The following S100A8 variants were observed in gnomAD, a reference collection of about 807,000 sequenced individuals.
S100A8 encodes protein S100-A8.
Under a neutral mutation model 4.2 loss-of-function variants are expected in S100A8, and 1 was observed. The ratio of observed to expected loss-of-function variants is 0.24; its 90% CI spans 0.08 to 1.12. S100A8 has a LOEUF of 1.12. Among genes scored for constraint, S100A8 ranks in the 50% most tolerant of loss-of-function variants. The pLI is 0.53. For missense variants in S100A8, 96 were observed against 111.8 expected, an observed-to-expected ratio of 0.86 and a Z score of 0.64; for synonymous variants, 41 against 44.7, an observed-to-expected ratio of 0.92 and a Z score of 0.33.
the S100A8 span, among the ~76,000 whole-genome samples, chr1:153,396,087 C>T: frequency 1.3e-5 from 2 of 152,342 alleles, no homozygotes; most frequent in Admixed American, 6.5e-5. Context: ...CTGAACACTG[C>T]GGGTGGGGAC....
chr1:153,390,959 C>G (rs1205684899), intron 1 of S100A8, 82 bp downstream of exon 1: 1 of 949,090 alleles, frequency 1.1e-6, no homozygotes, highest in Non-Finnish European at 1.3e-6. Flanking sequence ...TCTCTCTCCT[C>G]TCTCAGGAAG....
chr1:153,404,524 ACGCT>A, the S100A8 span, among the ~76,000 whole-genome samples: 1 of 152,164 alleles, frequency 6.6e-6, no homozygotes, highest in East Asian at 1.9e-4. Context: ...AGGATTTCAG[ACGCT>A]CGGTGTCAGG....
chr1:153,404,337 G>A, the S100A8 span, among the ~76,000 whole-genome samples: 1,437 of 152,302 alleles, frequency 9.4e-3, 13 homozygotes, highest in Non-Finnish European at 0.013. Context: ...CCAGTGTGGG[G>A]CTGAAAGCTC....
At chr1:153,394,514 G>A (rs751455002), upstream of S100A8, among the ~76,000 whole-genome samples, 56 of 152,114 alleles carry the variant, frequency 3.7e-4, no homozygotes, top group Non-Finnish European at 1.0e-4. Context: ...CACCTGCTGA[G>A]CGTTTATGGG....
chr1:153,407,900 G>A, the S100A8 span, among the ~76,000 whole-genome samples: 2 of 152,224 alleles, frequency 1.3e-5, no homozygotes, highest in African/African-American at 4.8e-5. Flanking sequence ...ACCTGCAGCT[G>A]AGGGTCCTGA....
chr1:153,390,537 A>T lies in S100A8; in HGVS notation c.-2T>A. 1.9e-6 allele frequency: 3 copies of T among 1,614,142 alleles called. No homozygotes were observed. The highest frequency in any genetic ancestry group is 2.5e-6 in the Non-Finnish European group (3 of 1,180,006). On this transcript the variant is annotated 5_prime_UTR_variant, in exon 2 of 3. Transcript: ENST00000368733. ...GGCTTTCTCCAGCTCGGTCAACATG[A>T]TGCCCACGGACTTGCCCCACCTGAA... is the stretch of plus-strand genomic sequence containing the variant.
chr1:153,400,840 A>G, the S100A8 span, among the ~76,000 whole-genome samples: 3 of 152,362 alleles, frequency 2.0e-5, 1 homozygote, highest in South Asian at 6.2e-4. Flanking sequence ...CCATTGCAAT[A>G]TCCATAACCA....
the S100A8 span, chr1:153,419,319 A>T: frequency 6.1e-5 from 98 of 1,611,746 alleles, no homozygotes; most frequent in Non-Finnish European, 7.7e-5. Context: ...ATCCAGCCCC[A>T]CCAAGGGGCC....
the S100A8 span, chr1:153,421,038 C>T: frequency 1.3e-5 from 2 of 152,278 alleles, no homozygotes; most frequent in Non-Finnish European, 2.9e-5. Context: ...CTGACTTCCT[C>T]TCTGTGCAGC....
chr1:153,399,215 C>T, the S100A8 span, among the ~76,000 whole-genome samples: 1 of 152,206 alleles, frequency 6.6e-6, no homozygotes, highest in East Asian at 1.9e-4. Context: ...CCCACCCATC[C>T]TCAATGCCTC....
chr1:153,399,562 C>T, the S100A8 span, among the ~76,000 whole-genome samples: 7 of 152,276 alleles, frequency 4.6e-5, no homozygotes, highest in South Asian at 6.2e-4. Context: ...ATTCATTCAA[C>T]GAATATTCTT....
chr1:153,397,449 G>A, the S100A8 span, among the ~76,000 whole-genome samples: 2 of 152,330 alleles, frequency 1.3e-5, no homozygotes, highest in African/African-American at 4.8e-5. Context: ...GAGGCAGGCG[G>A]CCCAGATGTG....
chr1:153,416,844 C>A, the S100A8 span, among the ~76,000 whole-genome samples: 4 of 152,370 alleles, frequency 2.6e-5, no homozygotes, highest in African/African-American at 9.6e-5. Flanking sequence ...CCTCCCTTTC[C>A]TTCCTGTCTT....
the S100A8 span, among the ~76,000 whole-genome samples, chr1:153,413,587 T>C: frequency 6.6e-6 from 1 of 152,230 alleles, no homozygotes; most frequent in African/African-American, 2.4e-5. Context: ...TAATTCAATA[T>C]TATGTTCTTG....
At chr1:153,412,610 A>T in the S100A8 span, among the ~76,000 whole-genome samples, 21,199 of 152,184 alleles carry the variant, frequency 0.14, 1,628 homozygotes, top group African/African-American at 0.22. Context: ...ATACCATTAT[A>T]TGACCCAGCC....
At chr1:153,406,956 G>T in the S100A8 span, among the ~76,000 whole-genome samples, 5 of 152,232 alleles carry the variant, frequency 3.3e-5, no homozygotes, top group African/African-American at 1.2e-4. Context: ...CAAATGATCA[G>T]TTTTTTGGAT....
the S100A8 span, among the ~76,000 whole-genome samples, chr1:153,400,815 T>C: frequency 6.6e-6 from 1 of 152,188 alleles, no homozygotes; most frequent in Non-Finnish European, 1.5e-5. Context: ...TTAAAAATCA[T>C]CAGGAAAATG....
At chr1:153,418,169 G>A in the S100A8 span, 6 of 1,614,074 alleles carry the variant, frequency 3.7e-6, no homozygotes, top group Non-Finnish European at 5.1e-6. Context: ...AGATTGAGAA[G>A]CCAAGCCTGC....
At chr1:153,392,145 C>T (rs1662113415), upstream of S100A8, among the ~76,000 whole-genome samples, 1 of 152,028 alleles carries the variant, frequency 6.6e-6, no homozygotes, top group Admixed American at 6.6e-5. Flanking sequence ...TACAACTCAA[C>T]AACAAAAAAC....
Sources: allele counts gnomAD v4.1 joint callset (sites outside exome capture counted in the v4.1 genomes callset), GRCh38; gene constraint gnomAD v4.1.1; transcripts MANE v1.5; gene names NCBI Gene and HGNC (gene_info 2026-07-23, HGNC 2026-07-21).